CSMD1: variants seen among roughly 807,000 people sequenced by gnomAD.
The protein encoded by CSMD1 is CUB and Sushi multiple domains 1.
A neutral mutation model predicts 417.5 loss-of-function variants in CSMD1; 213 were observed. That is an observed-to-expected ratio of 0.51 (90% CI 0.46 to 0.57). The LOEUF is 0.57. CSMD1 is among the 20% of genes least tolerant of loss of function. The pLI is 0.00. For missense variants in CSMD1, 6,923 were observed against 4,529.7 expected (o/e 1.53, Z -15.17); for synonymous variants, 2,862 against 1,736.8 (o/e 1.65, Z -16.11).
intron 41 of CSMD1, among the ~76,000 whole-genome samples, chr8:3,137,142 G>A (rs1238076899): frequency 6.6e-6 from 1 of 152,146 alleles, no homozygotes; most frequent in Non-Finnish European, 1.5e-5. Context: ...GAAATGATGG[G>A]ACATATTATT....
chr8:3,467,666 G>A (rs1816859417), intron 12 of CSMD1, among the ~76,000 whole-genome samples: 2 of 152,278 alleles, frequency 1.3e-5, no homozygotes, highest in South Asian at 2.1e-4. Context: ...CACACACCAA[G>A]AGACCCTTTA....
At chr8:4,331,711 T>C (rs1314100031) in intron 3 of CSMD1, among the ~76,000 whole-genome samples, 1 of 152,154 alleles carries the variant, frequency 6.6e-6, no homozygotes, top group African/African-American at 2.4e-5. Context: ...CTTGTTTTCC[T>C]AAAGGCTTCA....
intron 2 of CSMD1, among the ~76,000 whole-genome samples, chr8:4,447,050 T>C (rs576711390): frequency 6.6e-6 from 1 of 152,248 alleles, no homozygotes; most frequent in Non-Finnish European, 1.5e-5. Context: ...CATCAGCCTG[T>C]GTCAGGTCTG....
intron 5 of CSMD1, among the ~76,000 whole-genome samples, chr8:3,881,349 G>C (rs1213001037): frequency 4.0e-5 from 6 of 150,808 alleles, no homozygotes; most frequent in South Asian, 4.2e-4. Flanking sequence ...TAAAAAGCAA[G>C]TTGGGGCCGG....
intron 19 of CSMD1, 40 bp from the exon 20 acceptor site, chr8:3,367,287 G>C: frequency 6.9e-7 from 1 of 1,452,182 alleles, no homozygotes; most frequent in South Asian, 1.2e-5. Flanking sequence ...GAGACAGAGA[G>C]AGACACACGG....
intron 8 of CSMD1, among the ~76,000 whole-genome samples, chr8:3,595,820 C>G (rs956342848): frequency 2.6e-5 from 4 of 152,206 alleles, no homozygotes; most frequent in Admixed American, 2.0e-4. Context: ...GTTCACCCAC[C>G]TATCTATACA....
chr8:4,471,762 G>A (rs993616912), intron 2 of CSMD1, among the ~76,000 whole-genome samples: 2 of 152,068 alleles, frequency 1.3e-5, no homozygotes, highest in African/African-American at 2.4e-5. Context: ...CATTTCTTTA[G>A]CGTCACAAAG....
rs1050283924 is a variant in CSMD1 at position 3,177,135 on chromosome 8, C to T, written c.5725+3975G>A. Among the ~76,000 whole-genome samples, 59 of 152,216 alleles carry T rather than the reference C, an allele frequency of 3.9e-4. 2 individuals are homozygous for T. The highest frequency in any genetic ancestry group is 7.3e-5 in the Non-Finnish European group (5 of 68,032). On this transcript the variant is annotated intron_variant, in intron 37 of 69. Transcript: ENST00000635120. ...CAGAAGAGACGAGAGCCGCATGCTA[C>T]GTGTGAAGCAAAACAATGGGGAAAG...
intron 15 of CSMD1, among the ~76,000 whole-genome samples, chr8:3,404,067 A>C (rs899062995): frequency 6.6e-6 from 1 of 152,184 alleles, no homozygotes; most frequent in Non-Finnish European, 1.5e-5. Flanking sequence ...GTGTAGTATT[A>C]CCAGACGATA....
chr8:3,844,648 A>G (rs1002966489), intron 5 of CSMD1, among the ~76,000 whole-genome samples: 6 of 152,154 alleles, frequency 3.9e-5, no homozygotes, highest in Admixed American at 3.9e-4. Context: ...GTGGGTATGC[A>G]GCTGGAAATT....
intron 20 of CSMD1, among the ~76,000 whole-genome samples, chr8:3,359,623 G>C (rs567717110): frequency 6.6e-6 from 1 of 151,840 alleles, no homozygotes; most frequent in South Asian, 2.1e-4. Flanking sequence ...AGGATAAAGT[G>C]ATGTTGGTCA....
intron 55 of CSMD1, among the ~76,000 whole-genome samples, chr8:2,975,489 C>T (rs1282129598): frequency 6.6e-6 from 1 of 152,148 alleles, no homozygotes; most frequent in Middle Eastern, 3.2e-3. Context: ...GAAGGGTTAT[C>T]AACCAGAGAG....
intron 3 of CSMD1, among the ~76,000 whole-genome samples, chr8:4,060,998 G>C (rs1563070685): frequency 6.6e-6 from 1 of 152,084 alleles, no homozygotes; most frequent in African/African-American, 2.4e-5. Context: ...AGCAAGCAAA[G>C]CAAAAAAGAG....
intron 3 of CSMD1, among the ~76,000 whole-genome samples, chr8:4,113,278 A>C (rs2130916684): frequency 6.6e-6 from 1 of 152,282 alleles, no homozygotes; most frequent in African/African-American, 2.4e-5. Context: ...TTAAATCAAA[A>C]GCTAGAAATG....
intron 3 of CSMD1, among the ~76,000 whole-genome samples, chr8:4,060,366 C>G (rs1342211638): frequency 2.0e-5 from 3 of 152,206 alleles, no homozygotes; most frequent in South Asian, 2.1e-4. Flanking sequence ...TGGAAGCATT[C>G]CCTTTGCAAA....
At chr8:3,558,127 CCG>C (rs1799245353) in intron 10 of CSMD1, among the ~76,000 whole-genome samples, 2 of 147,402 alleles carry the variant, frequency 1.4e-5, no homozygotes, top group Non-Finnish European at 3.0e-5. Context: ...CAATGGTACC[CCG>C]TGTCCACTCC....
At chr8:4,228,264 G>C (rs1801483936) in intron 3 of CSMD1, among the ~76,000 whole-genome samples, 1 of 152,168 alleles carries the variant, frequency 6.6e-6, no homozygotes, top group Non-Finnish European at 1.5e-5. Flanking sequence ...ATCCTTTCCA[G>C]TCACAGGCCC....
intron 3 of CSMD1, among the ~76,000 whole-genome samples, chr8:4,190,319 C>G (rs1325663331): frequency 1.3e-5 from 2 of 151,214 alleles, no homozygotes; most frequent in African/African-American, 2.4e-5. Flanking sequence ...CATCTAAGCC[C>G]TATCACTGAA....
In CSMD1 at chr8:4,070,388, C is replaced by G. The variant is rs1010976307; in HGVS notation, c.416-38289G>C. Among the ~76,000 whole-genome samples, 13 of 152,108 alleles carry G rather than the reference C, an allele frequency of 8.5e-5. No individual in the cohort carries two copies. In the South Asian group the frequency reaches 1.5e-3, roughly 17 times the overall value. ...CCTATAATGTTTTGAGACAGAGTCT[C>G]GCTGTGTCGCCCAGGCTGGAGTGCA... On this transcript the variant is annotated intron_variant, in intron 3 of 69. Coordinates refer to ENST00000635120, the MANE Select transcript of CSMD1 (RefSeq NM_033225.6).
Sources: gnomAD v4.1 joint callset for allele counts (sites outside exome capture counted in the v4.1 genomes callset) on GRCh38, gnomAD v4.1.1 for gene constraint, MANE v1.5 for transcripts, NCBI Gene and HGNC (gene_info 2026-07-23, HGNC 2026-07-21) for gene names.